HDAC9: variants seen among roughly 807,000 people sequenced by gnomAD.
The protein encoded by HDAC9 is histone deacetylase 9.
Under a neutral mutation model 139.4 loss-of-function variants are expected in HDAC9, and 41 were observed. That is an observed-to-expected ratio of 0.29 (90% confidence interval 0.23 to 0.38). The LOEUF is 0.38. Ranked by LOEUF, HDAC9 falls within the 10% of genes least tolerant of loss-of-function variation. The pLI, the probability that HDAC9 is intolerant of heterozygous loss-of-function variation, is 1.00. For missense variants in HDAC9, 1,147 were observed against 1,297.0 expected (o/e 0.88, Z 1.78); for synonymous variants, 517 against 476.2 (o/e 1.09, Z -1.12).
At chr7:18,564,694 T>A (rs1163735240) in intron 2 of HDAC9, among the ~76,000 whole-genome samples, 2 of 151,948 alleles carry the variant, frequency 1.3e-5, no homozygotes, top group African/African-American at 4.8e-5. Flanking sequence ...CTATTCCTTT[T>A]CGTTAAGAGA....
chr7:18,454,781 A>T (rs947547644), intron 1 of HDAC9, among the ~76,000 whole-genome samples: 2 of 152,082 alleles, frequency 1.3e-5, no homozygotes, highest in African/African-American at 2.4e-5. Flanking sequence ...CAATTATATG[A>T]ATTTTATTTA....
intron 6 of HDAC9, among the ~76,000 whole-genome samples, chr7:18,620,508 T>C (rs28759229): frequency 0.025 from 3,764 of 150,898 alleles, 157 homozygotes; most frequent in African/African-American, 0.087. Context: ...TACTACTGAG[T>C]GGTACTTTTT....
upstream of HDAC9, among the ~76,000 whole-genome samples, chr7:18,288,531 G>A (rs1298988322): frequency 1.3e-5 from 2 of 152,116 alleles, no homozygotes; most frequent in Non-Finnish European, 2.9e-5. Context: ...TTTACTTGTT[G>A]GTAGTAGGGC....
At position 18,997,581 on chromosome 7, in the gene HDAC9, G is replaced by A. The variant is rs1786539486; in HGVS notation, c.*1519G>A. The A allele has an allele frequency of 6.6e-6, 1 of 152,018 alleles. No homozygotes were observed. The highest frequency in any genetic ancestry group is 1.5e-5 in the Non-Finnish European group (1 of 67,956). 9.4% of individuals were successfully genotyped at this position (152,018 alleles called of 1,614,324 possible). ...CTCAAAGGATATATTAAAGCCATAA[G>A]TGAAGATTGTCATGCTTTTATTCAG... is the stretch of plus-strand genomic sequence containing the variant. On this transcript the variant is annotated 3_prime_UTR_variant, in exon 26 of 26. Coordinates refer to ENST00000686413, the MANE Select transcript of HDAC9 (RefSeq NM_178425.4).
intron 14 of HDAC9, among the ~76,000 whole-genome samples, chr7:18,750,844 T>A (rs1027241857): frequency 5.9e-5 from 9 of 152,206 alleles, no homozygotes; most frequent in African/African-American, 2.2e-4. Flanking sequence ...TCTGCAATTT[T>A]TGTGTGCTTT....
At chr7:18,438,645 CGTGT>C (rs5882662) in intron 1 of HDAC9, among the ~76,000 whole-genome samples, 17,163 of 147,158 alleles carry the variant, frequency 0.12, 1,025 homozygotes, top group Middle Eastern at 0.27. Context: ...GCTGTGTGTG[CGTGT>C]GTGTGTGTGT....
At chr7:18,403,864 A>G (rs1398063321) in intron 1 of HDAC9, among the ~76,000 whole-genome samples, 2 of 152,230 alleles carry the variant, frequency 1.3e-5, no homozygotes, top group African/African-American at 4.8e-5. Context: ...CTATGAGTCT[A>G]TTTAATGGAG....
intron 23 of HDAC9, among the ~76,000 whole-genome samples, chr7:18,936,672 A>G (rs1262441246): frequency 1.3e-5 from 2 of 152,180 alleles, no homozygotes; most frequent in Non-Finnish European, 2.9e-5. Flanking sequence ...TCTATTTTCT[A>G]TAGTGATTAT....
At chr7:18,318,588 C>G (rs1477592842) in intron 1 of HDAC9, among the ~76,000 whole-genome samples, 1 of 152,128 alleles carries the variant, frequency 6.6e-6, no homozygotes, top group African/African-American at 2.4e-5. Context: ...TTAAACTGTT[C>G]TATTGTTGAT....
At chr7:18,471,094 T>C (rs1037586954) in intron 1 of HDAC9, among the ~76,000 whole-genome samples, 4 of 151,944 alleles carry the variant, frequency 2.6e-5, no homozygotes, top group Non-Finnish European at 5.9e-5. Context: ...CGAGAAAATA[T>C]GAAGGGTAAG....
At chr7:18,397,824 TTGGTAG>T (rs1787191187) in intron 1 of HDAC9, among the ~76,000 whole-genome samples, 1 of 152,120 alleles carries the variant, frequency 6.6e-6, no homozygotes, top group African/African-American at 2.4e-5. Context: ...ATTGACCCTA[TTGGTAG>T]TATTAAATCA....
chr7:18,642,254 T>C (rs904651101), intron 8 of HDAC9, among the ~76,000 whole-genome samples: 1 of 145,374 alleles, frequency 6.9e-6, no homozygotes, highest in African/African-American at 2.7e-5. Flanking sequence ...CGGAGCTTTT[T>C]TCTTGTGCCA....
intron 6 of HDAC9, among the ~76,000 whole-genome samples, chr7:18,595,406 A>G (rs995215583): frequency 3.9e-5 from 6 of 152,056 alleles, no homozygotes; most frequent in Admixed American, 2.6e-4. Flanking sequence ...CCTCTATGTT[A>G]TTTCTAAAAC....
intron 22 of HDAC9, among the ~76,000 whole-genome samples, chr7:18,923,228 T>G (rs1457388712): frequency 6.6e-6 from 1 of 152,076 alleles, no homozygotes; most frequent in Non-Finnish European, 1.5e-5. Flanking sequence ...ATATCCAGAT[T>G]CTGAAATTTT....
rs375683470 is a variant in HDAC9 at position 18,243,176 on chromosome 7, G to A, written c.25+80827G>A. Among the ~76,000 whole-genome samples, 9 of 152,034 alleles carry A rather than the reference G, an allele frequency of 5.9e-5. No homozygotes were observed. In the East Asian group the frequency reaches 1.5e-3, roughly 26 times the overall value. ...TATTTTCTGATTTTCTGTATTACTAGTGTAAAAGCAAACACTAATTGGGAA... is the reference window on the plus strand; with the variant it reads ...TATTTTCTGATTTTCTGTATTACTAATGTAAAAGCAAACACTAATTGGGAA... On this transcript the variant is annotated intron_variant, in intron 2 of 12. Coordinates refer to the HDAC9 transcript ENST00000417496.
intron 12 of HDAC9, among the ~76,000 whole-genome samples, chr7:18,707,026 A>T (rs1036310083): frequency 3.9e-5 from 6 of 152,148 alleles, no homozygotes; most frequent in Non-Finnish European, 8.8e-5. Context: ...GGCACTGGTT[A>T]CCCCCAAGAA....
At chr7:18,140,337 T>C (rs547219705) in intron 1 of HDAC9, among the ~76,000 whole-genome samples, 226 of 152,288 alleles carry the variant, frequency 1.5e-3, no homozygotes, top group African/African-American at 4.4e-3. Flanking sequence ...GTGGATATTG[T>C]TGTATTTTTT....
intron 13 of HDAC9, among the ~76,000 whole-genome samples, chr7:18,745,531 C>CT (rs565092002): frequency 0.043 from 3,899 of 90,494 alleles, 846 homozygotes; most frequent in African/African-American, 0.056. Flanking sequence ...ACTCTCTACT[C>CT]TTTTTTTTTT....
chr7:18,424,775 A>G (rs556208541), intron 1 of HDAC9, among the ~76,000 whole-genome samples: 4 of 152,190 alleles, frequency 2.6e-5, no homozygotes, highest in African/African-American at 9.6e-5. Context: ...GCTGGGCGTG[A>G]TGGCACGTGC....
Sources: allele counts gnomAD v4.1 joint callset (sites outside exome capture counted in the v4.1 genomes callset), GRCh38; gene constraint gnomAD v4.1.1; transcripts MANE v1.5; gene names NCBI Gene and HGNC (gene_info 2026-07-23, HGNC 2026-07-21).